JAK1: variants seen among roughly 807,000 people sequenced by gnomAD.
JAK1 encodes the protein tyrosine-protein kinase JAK1.
JAK1 carries 16 observed loss-of-function variants against 136.6 expected under a neutral mutation model. The observed-to-expected ratio is 0.12, with a 90% CI of 0.08 to 0.18. JAK1 has a LOEUF of 0.18. Ranked by LOEUF, JAK1 falls within the 10% of genes least tolerant of loss-of-function variation. The pLI is 1.00. For synonymous variants in JAK1, 492 were observed against 519.5 expected (o/e 0.95, Z 0.72); for missense variants, 859 against 1,450.1 (o/e 0.59, Z 6.62).
chr1:65,053,518 C>CAA (rs1296737340), intron 1 of JAK1, among the ~76,000 whole-genome samples: 1 of 152,128 alleles, frequency 6.6e-6, no homozygotes, highest in Admixed American at 6.5e-5. Flanking sequence ...AGGTTTGTCT[C>CAA]AAAGAGCAAC....
intron 20 of JAK1, among the ~76,000 whole-genome samples, chr1:64,838,949 T>C (rs983930085): frequency 1.3e-5 from 2 of 151,310 alleles, no homozygotes; most frequent in African/African-American, 4.9e-5. Context: ...ATCGAGACCA[T>C]CCTGGCTAAC....
chr1:64,851,520 G>T (rs951274942), intron 11 of JAK1, among the ~76,000 whole-genome samples: 28 of 152,290 alleles, frequency 1.8e-4, no homozygotes, highest in Middle Eastern at 3.4e-3. Context: ...GAAGCTCGTG[G>T]TACCAGCAGT....
rs879300407 is a variant in JAK1, at chr1:64,995,541, G to A, written c.-78+48939C>T. On this transcript the variant is annotated intron_variant, in intron 2 of 25. Coordinates refer to the JAK1 transcript ENST00000671954. ...TTTGTTTGTTTACTTAAGGAGGAAG[G>A]TAATCCTTTAATAATGCGAAAATAC... 2.2e-4 allele frequency among the ~76,000 whole-genome samples: 34 copies of A among 152,232 alleles called. 1 individual carries two copies. The highest frequency in any genetic ancestry group is 9.2e-4 in the Admixed American group (14 of 15,294).
chr1:65,064,969 T>C (rs1440375372), intron 1 of JAK1, among the ~76,000 whole-genome samples: 2 of 152,228 alleles, frequency 1.3e-5, no homozygotes, highest in African/African-American at 2.4e-5. Flanking sequence ...AAAGCTTTTC[T>C]GAAATACACG....
intron 4 of JAK1, among the ~76,000 whole-genome samples, chr1:64,875,717 C>T (rs965832610): frequency 4.6e-5 from 7 of 152,210 alleles, no homozygotes; most frequent in Admixed American, 4.6e-4. Context: ...AATCACACAT[C>T]TGCAGAGCCA....
intron 2 of JAK1, among the ~76,000 whole-genome samples, chr1:64,884,993 C>G (rs545450211): frequency 2.6e-5 from 4 of 152,178 alleles, no homozygotes; most frequent in Admixed American, 2.0e-4. Context: ...ACAGGGCAGA[C>G]AGCAGTCACA....
intron 2 of JAK1, among the ~76,000 whole-genome samples, chr1:65,021,347 C>A (rs114145774): frequency 1.3e-5 from 2 of 152,194 alleles, no homozygotes; most frequent in African/African-American, 2.4e-5. Context: ...GATGACAAGG[C>A]GTACATTGGT....
chr1:65,031,866 T>C (rs1183837141), intron 2 of JAK1, among the ~76,000 whole-genome samples: 1 of 152,088 alleles, frequency 6.6e-6, no homozygotes, highest in East Asian at 1.9e-4. Flanking sequence ...TTTGAGACTG[T>C]ATCAAAATTA....
chr1:64,994,116 T>C lies in JAK1; in HGVS notation c.-78+50364A>G, dbSNP rs113730282. Among the ~76,000 whole-genome samples, 35 of 152,272 alleles carry C rather than the reference T, an allele frequency of 2.3e-4. 1 individual carries two copies. Among genetic ancestry groups the C allele is most frequent in the African/African-American group, 7.5e-4 (31 of 41,556 alleles). ...CCACCATGCCCAGCTAATTTTTGTATTTTTTGTAGAGACAGGTTTTGGCCA... is the reference window on the plus strand; with the variant it reads ...CCACCATGCCCAGCTAATTTTTGTACTTTTTGTAGAGACAGGTTTTGGCCA... On this transcript the variant is annotated intron_variant, in intron 2 of 25. Transcript: ENST00000671954.
rs150814115 is a variant in JAK1, at chr1:65,038,938, T to TTGTGTGTGTGTGTG, written c.-78+5528_-78+5541dup. ...CAGGCGTGAGCCACCGCACCCAGTC[T>TTGTGTGTGTGTGTG]TGTGTGTGTGTGTGTGTGTGTGTGT... On this transcript the variant is annotated intron_variant, in intron 2 of 25. Transcript: ENST00000671954. Among the ~76,000 whole-genome samples the TTGTGTGTGTGTGTG allele has an allele frequency of 8.3e-3, 1,235 of 147,936 alleles. 5 individuals carry two copies. The highest frequency in any genetic ancestry group is 0.038 in the Middle Eastern group (11 of 290).
chr1:64,877,295 T>C (rs906312998), intron 4 of JAK1, among the ~76,000 whole-genome samples: 2 of 152,210 alleles, frequency 1.3e-5, no homozygotes, highest in African/African-American at 2.4e-5. Context: ...TCTTTGTAGT[T>C]TGTCATCAGG....
intron 2 of JAK1, among the ~76,000 whole-genome samples, chr1:64,996,652 T>C (rs866546568): frequency 2.6e-5 from 4 of 152,248 alleles, no homozygotes; most frequent in African/African-American, 9.6e-5. Flanking sequence ...TGTAAACTTA[T>C]ACAGATCAAA....
chr1:64,853,406 G>A (rs1299731292), intron 11 of JAK1, among the ~76,000 whole-genome samples: 4 of 152,172 alleles, frequency 2.6e-5, no homozygotes, highest in African/African-American at 7.2e-5. Flanking sequence ...CAGACAACGT[G>A]AGTTCAAATC....
At chr1:64,867,259 A>G (rs747017644) in intron 6 of JAK1, 51 bp from the exon 7 acceptor site, 2 of 1,344,048 alleles carry the variant, frequency 1.5e-6, no homozygotes, top group Admixed American at 4.3e-5. Context: ...GGTTAGGAGA[A>G]AATAGTTTAG....
In JAK1 at chr1:64,866,976, A is replaced by T. The variant is rs1266160941; in HGVS notation, c.880T>A (p.Ser294Thr). The part of the protein sequence containing the change: ...EIFETSMLLI[S>T]SENEMNWFHS... Reference sequence around the variant, plus strand: ...AACCAATTCATCTCATTTTCTGATGAAATCAGTAACATGGAAGTCTCAAAT... The same window carrying T: ...AACCAATTCATCTCATTTTCTGATGTAATCAGTAACATGGAAGTCTCAAAT... Residue 294 changes from serine to threonine, a missense_variant, in exon 7 of 25, where the codon TCA becomes ACA. Ser to Thr is a moderately conservative substitution (Grantham distance 58). Around this residue, in one of 4 missense-constraint regions of JAK1, gnomAD observed 353 missense variants for 494.0 expected, o/e 0.71. Transcript: ENST00000342505. The T allele has an allele frequency of 1.2e-6, 2 of 1,614,198 alleles. No homozygotes were observed. The highest frequency in any genetic ancestry group is 1.1e-5 in the South Asian group (1 of 91,090).
In JAK1 at chr1:64,875,662, G is replaced by A. The variant is rs1021985970; in HGVS notation, c.330-2139C>T. On this transcript the variant is annotated intron_variant, in intron 4 of 24. Transcript: ENST00000342505. Reference sequence around the variant, plus strand: ...TTCCTTGTAATTTACGAAAGTGACTGAGAATTTGACTGTGGGCTTTGGTGT... The same window carrying A: ...TTCCTTGTAATTTACGAAAGTGACTAAGAATTTGACTGTGGGCTTTGGTGT... 4.1e-4 allele frequency among the ~76,000 whole-genome samples: 62 copies of A among 152,328 alleles called. 1 individual carries two copies. Among genetic ancestry groups the A allele is most frequent in the African/African-American group, 1.4e-3 (59 of 41,572 alleles).
Position 64,837,914 on chromosome 1 carries a change from G to A in JAK1, c.3140+18C>T, listed in dbSNP as rs1239291086. The A allele has an allele frequency of 2.5e-6, 4 of 1,600,852 alleles. No homozygotes were observed. Among genetic ancestry groups the A allele is most frequent in the Non-Finnish European group, 3.4e-6 (4 of 1,170,156 alleles). ...CTCTATGAAGCATTGATAAAACCTA[G>A]TGGTTTGATTCAGTTACCAAAACAC... On this transcript the variant is annotated intron_variant, in intron 22 of 24. Coordinates refer to ENST00000342505, the MANE Select transcript of JAK1 (RefSeq NM_002227.4).
At position 64,862,457 on chromosome 1, in the gene JAK1, A is replaced by G. The variant is rs373977214; in HGVS notation, c.1177-2195T>C. 1.2e-4 allele frequency among the ~76,000 whole-genome samples: 18 copies of G among 152,370 alleles called. 1 individual carries two copies. Among genetic ancestry groups the G allele is most frequent in the Admixed American group, 3.9e-4 (6 of 15,312 alleles). On this transcript the variant is annotated intron_variant, in intron 8 of 24. Coordinates refer to ENST00000342505, the MANE Select transcript of JAK1 (RefSeq NM_002227.4). ...GAATAGGAAGTACCTGACACACAGT[A>G]AGGGCTAGCGTGGTAAAGAAAAACA... is the stretch of plus-strand genomic sequence containing the variant.
intron 2 of JAK1, among the ~76,000 whole-genome samples, chr1:65,031,961 C>CTTTTT (rs68164546): frequency 1.3e-4 from 17 of 135,302 alleles, no homozygotes; most frequent in East Asian, 2.1e-4. Context: ...TTTTCTTTTT[C>CTTTTT]TTTTTTTTTT....
Sources: allele counts gnomAD v4.1 joint callset (sites outside exome capture counted in the v4.1 genomes callset), GRCh38; gene constraint gnomAD v4.1.1; regional missense constraint gnomAD v4.1.1; transcripts MANE v1.5; gene names NCBI Gene and HGNC (gene_info 2026-07-23, HGNC 2026-07-21).